The following NVL variants were observed in gnomAD, a reference collection of about 807,000 sequenced individuals.
The protein encoded by NVL is nuclear valosin-containing protein-like.
NVL carries 84 observed loss-of-function variants against 110.2 expected under a neutral mutation model. The ratio of observed to expected loss-of-function variants is 0.76; its 90% CI spans 0.64 to 0.91. The LOEUF is 0.91. Among genes scored for constraint, NVL ranks in the 40% least tolerant of loss-of-function variants. The pLI is 0.00. For synonymous variants in NVL, 354 were observed against 361.1 expected, an observed-to-expected ratio of 0.98 and a Z score of 0.22; for missense variants, 882 against 1,035.9, an observed-to-expected ratio of 0.85 and a Z score of 2.04.
At chr1:224,291,217 T>C (rs1667344755) in intron 12 of NVL, among the ~76,000 whole-genome samples, 1 of 152,204 alleles carries the variant, frequency 6.6e-6, no homozygotes, top group East Asian at 1.9e-4. Context: ...AATTCTTTTT[T>C]TTTCTGAGAC....
At chr1:224,240,333 T>G (rs1384043627) in intron 19 of NVL, among the ~76,000 whole-genome samples, 1 of 152,114 alleles carries the variant, frequency 6.6e-6, no homozygotes, top group Non-Finnish European at 1.5e-5. Flanking sequence ...CCTCCCAAAG[T>G]GCTAGGATTA....
rs1667919456 is a variant in NVL at position 224,296,730 on chromosome 1, A to G, written c.1063-112T>C. ...CTTCAAGGTCAAGGATCATTTGCCA[A>G]AAGAATAACCCTAAAGAAGGCAGTT... is the stretch of plus-strand genomic sequence containing the variant. On this transcript the variant is annotated intron_variant, in intron 10 of 22. Transcript: ENST00000281701. The G allele has an allele frequency of 9.0e-6, 6 of 663,330 alleles. No individual in the cohort carries two copies. In the South Asian group the frequency reaches 1.3e-4, roughly 15 times the overall value. The allele number at this position is 663,330 out of a possible 1,614,324, so 41.1% of individuals were successfully genotyped here.
chr1:224,309,216 T>C (rs1293365001), intron 5 of NVL, among the ~76,000 whole-genome samples: 1 of 152,152 alleles, frequency 6.6e-6, no homozygotes, highest in Non-Finnish European at 1.5e-5. Flanking sequence ...GTCACTGTTA[T>C]TCCATCAAAG....
intron 5 of NVL, among the ~76,000 whole-genome samples, chr1:224,309,250 GC>G (rs1669279884): frequency 6.6e-6 from 1 of 152,174 alleles, no homozygotes. Context: ...GGGCGTGGTA[GC>G]TCACGCCCTG....
At chr1:224,259,101 T>C (rs1449881903) in intron 18 of NVL, among the ~76,000 whole-genome samples, 2 of 152,066 alleles carry the variant, frequency 1.3e-5, no homozygotes, top group Admixed American at 1.3e-4. Flanking sequence ...ACATTTTTTT[T>C]TTTTTGAGAT....
intron 2 of NVL, among the ~76,000 whole-genome samples, chr1:224,320,785 G>A (rs1184737181): frequency 1.3e-5 from 2 of 152,098 alleles, no homozygotes; most frequent in Non-Finnish European, 1.5e-5. Flanking sequence ...GAGTAGGTAC[G>A]ATGACAGACA....
At chr1:224,292,005 T>G (rs533444231) in intron 12 of NVL, among the ~76,000 whole-genome samples, 101 of 152,376 alleles carry the variant, frequency 6.6e-4, no homozygotes, top group Non-Finnish European at 5.9e-5. Flanking sequence ...TTCTAAATTC[T>G]TGATCCACAG....
intron 4 of NVL, among the ~76,000 whole-genome samples, chr1:224,317,066 G>A (rs909900813): frequency 6.6e-6 from 1 of 151,296 alleles, no homozygotes; most frequent in Non-Finnish European, 1.5e-5. Context: ...TTGAACCCGG[G>A]GGGCAGAGGT....
Position 224,287,874 on chromosome 1 carries a change from G to C in NVL, c.1695C>G (p.Pro565=), listed in dbSNP as rs1258559732. ...DFIVALSSVQ[P]SAKREGFVTV... ...TGACAAAGCCTTCCCTTTTGGCAGA[G>C]GGTTGGACTGAGGATAGAGCAACAA... The change falls in exon 14 of 23, where the codon CCC becomes CCG. Residue 565 remains proline, a synonymous_variant. Transcript: ENST00000281701. The C allele has an allele frequency of 6.2e-7, 1 of 1,614,102 alleles. No homozygotes were observed. The highest frequency in any genetic ancestry group is 1.7e-5 in the Admixed American group (1 of 60,020).
At chr1:224,253,500 T>A (rs564384238) in intron 18 of NVL, among the ~76,000 whole-genome samples, 22 of 151,474 alleles carry the variant, frequency 1.5e-4, no homozygotes, top group African/African-American at 5.1e-4. Context: ...TTTGGGAGGC[T>A]GAGGCGGGAG....
rs1287872090 is a variant in NVL, at chr1:224,281,124, A to G, written c.1961T>C (p.Met654Thr). The G allele has an allele frequency of 1.2e-6, 2 of 1,613,234 alleles. No homozygotes were observed. Among genetic ancestry groups the G allele is most frequent in the South Asian group, 1.1e-5 (1 of 91,054 alleles). The change falls in exon 16 of 23, where the codon ATG (methionine) becomes ACG (threonine). Residue 654 changes from methionine to threonine, a missense_variant and splice_region_variant. Met to Thr is a moderately conservative substitution (Grantham distance 81). Coordinates refer to ENST00000281701, the MANE Select transcript of NVL (RefSeq NM_002533.4). ...ISVKGPELLN[M>T]YVGESERAVR... ...AATGGTTCTTGCTCAATAACTTACC[A>G]TGTTTAGTAATTCGGGGCCCTTGAC... is the stretch of plus-strand genomic sequence containing the variant.
At chr1:224,296,898 G>A (rs1454336030) in intron 10 of NVL, among the ~76,000 whole-genome samples, 1 of 152,020 alleles carries the variant, frequency 6.6e-6, no homozygotes, top group Non-Finnish European at 1.5e-5. Flanking sequence ...AAATTCTTTT[G>A]TAAATTAGAT....
At chr1:224,281,921 C>G (rs1477470286) in intron 15 of NVL, among the ~76,000 whole-genome samples, 1 of 148,188 alleles carries the variant, frequency 6.7e-6, no homozygotes, top group African/African-American at 2.5e-5. Flanking sequence ...CCATAGCACT[C>G]CAGCCTGGGC....
At chr1:224,311,366 T>A (rs900498098) in intron 5 of NVL, among the ~76,000 whole-genome samples, 1 of 151,528 alleles carries the variant, frequency 6.6e-6, no homozygotes, top group African/African-American at 2.4e-5. Context: ...TAGCCTTATT[T>A]TTTTTTTTAA....
At chr1:224,307,176 T>C (rs1160088627) in intron 6 of NVL, among the ~76,000 whole-genome samples, 1 of 152,208 alleles carries the variant, frequency 6.6e-6, no homozygotes, top group East Asian at 1.9e-4. Context: ...CAAAGTCTAA[T>C]GTACACTTTA....
intron 1 of NVL, 130 bp from the exon 2 acceptor site, chr1:224,326,594 C>T (rs568695521): frequency 7.4e-5 from 42 of 570,750 alleles, no homozygotes; most frequent in African/African-American, 6.9e-4. Context: ...GTACCAGAAA[C>T]ATAAATAAAA....
At chr1:224,254,104 T>G (rs77346767) in intron 18 of NVL, among the ~76,000 whole-genome samples, 1 of 152,174 alleles carries the variant, frequency 6.6e-6, no homozygotes, top group Non-Finnish European at 1.5e-5. Flanking sequence ...TGTTTTTTTT[T>G]GTTTTGAGAT....
intron 16 of NVL, among the ~76,000 whole-genome samples, chr1:224,277,573 C>G (rs1358427028): frequency 2.0e-5 from 3 of 152,118 alleles, no homozygotes; most frequent in East Asian, 3.8e-4. Context: ...TTAAAACCTA[C>G]TTAATCTTAA....
intron 20 of NVL, among the ~76,000 whole-genome samples, chr1:224,235,981 G>C (rs1312618175): frequency 1.3e-5 from 2 of 151,598 alleles, no homozygotes; most frequent in African/African-American, 4.8e-5. Context: ...AGGGGGCATT[G>C]TCTCTGTTAG....
Sources: gnomAD v4.1 joint callset for allele counts (sites outside exome capture counted in the v4.1 genomes callset) on GRCh38, gnomAD v4.1.1 for gene constraint, MANE v1.5 for transcripts, NCBI Gene and HGNC (gene_info 2026-07-23, HGNC 2026-07-21) for gene names.